MSI2: variants seen among roughly 807,000 people sequenced by gnomAD.
MSI2 encodes the protein musashi RNA binding protein 2.
In MSI2, 17 loss-of-function variants were observed where a neutral mutation model predicts 45.6. The ratio of observed to expected loss-of-function variants is 0.37; its 90% CI spans 0.26 to 0.56. MSI2 has a LOEUF of 0.56. Ranked by LOEUF, MSI2 falls within the 20% of genes least tolerant of loss-of-function variation. MSI2 has a pLI of 0.77. For missense variants in MSI2, 293 were observed against 444.2 expected (o/e 0.66, Z 3.06); for synonymous variants, 156 against 158.2 (o/e 0.99, Z 0.11).
intron 5 of MSI2, among the ~76,000 whole-genome samples, chr17:57,345,038 G>C (rs1003739295): frequency 3.3e-5 from 5 of 152,146 alleles, no homozygotes; most frequent in African/African-American, 1.2e-4. Flanking sequence ...ACTCCAGCCT[G>C]GGCGACAGGG....
chr17:57,613,463 C>G (rs1353581147), intron 8 of MSI2, among the ~76,000 whole-genome samples: 1 of 149,542 alleles, frequency 6.7e-6, no homozygotes, highest in Non-Finnish European at 1.5e-5. Context: ...ATTCCCTGTT[C>G]TTCTATATTT....
intron 9 of MSI2, among the ~76,000 whole-genome samples, chr17:57,621,285 G>T (rs2144583449): frequency 6.6e-6 from 1 of 152,318 alleles, no homozygotes; most frequent in South Asian, 2.1e-4. Flanking sequence ...CTTGACTCAT[G>T]CAGAAAAACA....
In MSI2 at chr17:57,680,475, A is replaced by C; in HGVS notation, c.*958A>C. On this transcript the variant is annotated 3_prime_UTR_variant, in exon 14 of 14. Coordinates refer to ENST00000284073, the MANE Select transcript of MSI2 (RefSeq NM_138962.4). ...AGGAGGCGGGAAGGGAACGTTGGCC[A>C]AGTCAGTTACTGAGATGAAGATCGC... The C allele has an allele frequency of 4.4e-6, 1 of 229,148 alleles. No homozygotes were observed. Among genetic ancestry groups the C allele is most frequent in the East Asian group, 6.2e-5 (1 of 16,152 alleles). The allele number at this position is 229,148 out of a possible 1,614,324, so 14.2% of individuals were successfully genotyped here. A position where few individuals can be genotyped will look rare whatever the true frequency, so the allele number is the denominator to read the frequency against.
intron 6 of MSI2, among the ~76,000 whole-genome samples, chr17:57,426,817 C>A (rs372806705): frequency 2.0e-5 from 3 of 152,136 alleles, no homozygotes; most frequent in East Asian, 1.9e-4. Flanking sequence ...TTCACAGAAC[C>A]TTTATTTCAA....
chr17:57,358,202 GGGGT>G (rs375229618), intron 5 of MSI2, among the ~76,000 whole-genome samples: 33 of 150,308 alleles, frequency 2.2e-4, no homozygotes, highest in Non-Finnish European at 2.7e-4. Context: ...TGTGTGTGGG[GGGGT>G]GTGTGTGTGT....
At chr17:57,393,254 G>T (rs1445085879) in intron 5 of MSI2, among the ~76,000 whole-genome samples, 1 of 152,142 alleles carries the variant, frequency 6.6e-6, no homozygotes, top group Non-Finnish European at 1.5e-5. Context: ...TCAGATTTTT[G>T]ATTTTTGAAT....
intron 7 of MSI2, among the ~76,000 whole-genome samples, chr17:57,569,202 T>A (rs1263337049): frequency 6.6e-6 from 1 of 152,164 alleles, no homozygotes; most frequent in Non-Finnish European, 1.5e-5. Context: ...GTGCTTCTAA[T>A]CATCTATTCG....
intron 5 of MSI2, among the ~76,000 whole-genome samples, chr17:57,327,598 T>G (rs538930159): frequency 6.6e-6 from 1 of 152,354 alleles, no homozygotes; most frequent in East Asian, 1.9e-4. Flanking sequence ...ATGTGGTGTG[T>G]GGGGGCCCCA....
intron 5 of MSI2, among the ~76,000 whole-genome samples, chr17:57,358,322 C>T (rs1189505597): frequency 6.6e-6 from 1 of 151,980 alleles, no homozygotes; most frequent in Non-Finnish European, 1.5e-5. Context: ...GCTGGCTCTT[C>T]TGAAGATTGC....
chr17:57,322,781 G>A (rs928044201), intron 5 of MSI2, among the ~76,000 whole-genome samples: 3 of 152,138 alleles, frequency 2.0e-5, no homozygotes, highest in African/African-American at 7.2e-5. Flanking sequence ...TCTGGTCACC[G>A]ACCTGTTCTT....
Position 57,674,985 on chromosome 17 carries a change from G to A in MSI2, c.804G>A (p.Ala268=), listed in dbSNP as rs748937844. The A allele has an allele frequency of 2.8e-5, 45 of 1,613,178 alleles. No individual in the cohort carries two copies. The highest frequency in any genetic ancestry group is 1.6e-4 in the Middle Eastern group (1 of 6,082). ...CTTCCCCGGCAGGCTCCAACCCGGC[G>A]CGGCCCGGAGGCTTCCCGGGGGCCA... ...AAARGSGSNP[A]RPGGFPGANS... The change falls in exon 12 of 14, where the codon GCG becomes GCA. Residue 268 remains alanine (A), a synonymous_variant. Transcript: ENST00000284073.
At chr17:57,510,400 GTT>G (rs34773035) in intron 6 of MSI2, among the ~76,000 whole-genome samples, 21,082 of 148,204 alleles carry the variant, frequency 0.14, 1,813 homozygotes, top group African/African-American at 0.22. Flanking sequence ...CACTCCTCTT[GTT>G]TTTTTTTTTG....
intron 8 of MSI2, chr17:57,601,966 C>T (rs1905930834): frequency 1.3e-5 from 2 of 152,160 alleles, no homozygotes. Flanking sequence ...GGTTCCGAAC[C>T]CTCTGTTCTT....
At chr17:57,576,522 G>A (rs1184768694) in intron 7 of MSI2, among the ~76,000 whole-genome samples, 2 of 152,156 alleles carry the variant, frequency 1.3e-5, no homozygotes, top group Admixed American at 1.3e-4. Flanking sequence ...TTGGGAGGCC[G>A]AGGCAGGTGG....
downstream of MSI2, among the ~76,000 whole-genome samples, chr17:57,684,989 C>T (rs1208419510): frequency 3.3e-5 from 5 of 152,070 alleles, no homozygotes; most frequent in Admixed American, 3.3e-4. Context: ...CCCAAAGGTC[C>T]TGCGGATCAG....
chr17:57,347,077 T>C (rs998329237), intron 5 of MSI2, among the ~76,000 whole-genome samples: 1 of 152,224 alleles, frequency 6.6e-6, no homozygotes, highest in African/African-American at 2.4e-5. Flanking sequence ...ATATCAGTTA[T>C]GCTTATGTCT....
intron 5 of MSI2, among the ~76,000 whole-genome samples, chr17:57,322,678 C>T (rs1471547300): frequency 3.3e-5 from 5 of 152,142 alleles, no homozygotes; most frequent in African/African-American, 9.7e-5. Context: ...AGTGACGTGC[C>T]GCCCACAAGG....
chr17:57,448,746 C>G, intron 6 of MSI2: 1 of 152,112 alleles, frequency 6.6e-6, no homozygotes, highest in East Asian at 1.9e-4. Flanking sequence ...CTAGGAGCCT[C>G]GAAACCAGGT....
At chr17:57,278,618 A>T (rs1177022400) in intron 5 of MSI2, 1 of 152,058 alleles carries the variant, frequency 6.6e-6, no homozygotes, top group African/African-American at 2.4e-5. Context: ...TTCCATTCCC[A>T]CTAAGACCTC....
Sources: gnomAD v4.1 joint callset for allele counts (sites outside exome capture counted in the v4.1 genomes callset) on GRCh38, gnomAD v4.1.1 for gene constraint, MANE v1.5 for transcripts, NCBI Gene and HGNC (gene_info 2026-07-23, HGNC 2026-07-21) for gene names.